CXCR5: variants seen among roughly 807,000 people sequenced by gnomAD.
The protein encoded by CXCR5 is C-X-C motif chemokine receptor 5, also known as C-X-C chemokine receptor type 5.
In CXCR5, 3 loss-of-function variants were observed where a neutral mutation model predicts 5.6. That is an observed-to-expected ratio of 0.54 (90% CI 0.24 to 1.39). The LOEUF is 1.39. Ranked by LOEUF, CXCR5 falls within the 40% of genes most tolerant of loss-of-function variation. The probability of loss-of-function intolerance (pLI) is 0.16; values close to 1 mark genes in which losing one functional copy is unlikely to be tolerated. For missense variants in CXCR5, 333 were observed against 494.6 expected, an observed-to-expected ratio of 0.67 and a Z score of 3.10; for synonymous variants, 218 against 219.9, an observed-to-expected ratio of 0.99 and a Z score of 0.08.
intron 1 of CXCR5, chr11:118,887,672 G>C (rs1290115676): frequency 6.6e-6 from 1 of 152,458 alleles, no homozygotes; most frequent in African/African-American, 2.4e-5. Context: ...ACGGGGTAAG[G>C]GGTACAGACC....
intron 1 of CXCR5, chr11:118,886,304 G>A (rs1939708453): frequency 2.3e-6 from 1 of 439,346 alleles, no homozygotes; most frequent in African/African-American, 2.1e-5. Context: ...ACACTCTCAT[G>A]TTGAGCTAAG....
rs1291541977 is a variant in CXCR5 at position 118,897,643 on chromosome 11, T to A, written c.*2980T>A. ...GGGACGAGACAGGAATGGTATCCCTTAGGGACCCAGAGACACTGCAAACAG... is the reference window on the plus strand; with the variant it reads ...GGGACGAGACAGGAATGGTATCCCTAAGGGACCCAGAGACACTGCAAACAG... On this transcript the variant is annotated 3_prime_UTR_variant, in exon 2 of 2. Coordinates refer to ENST00000292174, the MANE Select transcript of CXCR5 (RefSeq NM_001716.5). 3.4e-5 allele frequency: 13 copies of A among 382,564 alleles called. No homozygotes were observed. Among genetic ancestry groups the A allele is most frequent in the South Asian group, 1.4e-4 (7 of 50,666 alleles). 23.7% of individuals were successfully genotyped at this position (382,564 alleles called of 1,614,324 possible).
intron 1 of CXCR5, among the ~76,000 whole-genome samples, chr11:118,884,343 A>G (rs1939676116): frequency 6.6e-6 from 1 of 152,126 alleles, no homozygotes; most frequent in Non-Finnish European, 1.5e-5. Flanking sequence ...ACTAGACAGG[A>G]AAGTACTTTG....
intron 1 of CXCR5, chr11:118,887,333 A>AT: frequency 1.0e-6 from 1 of 985,422 alleles, no homozygotes; most frequent in East Asian, 1.1e-4. Flanking sequence ...GATGGTTTCA[A>AT]GAGGCTGCCA....
At chr11:118,890,801 G>A (rs1939797056) in intron 1 of CXCR5, among the ~76,000 whole-genome samples, 1 of 152,180 alleles carries the variant, frequency 6.6e-6, no homozygotes, top group Non-Finnish European at 1.5e-5. Flanking sequence ...CAAAAGTGGA[G>A]AGCTCTAGTT....
Position 118,894,689 on chromosome 11 carries a change from CT to C in CXCR5, c.*30del. The C allele has an allele frequency of 6.6e-7, 1 of 1,505,278 alleles. No homozygotes were observed. Among genetic ancestry groups the C allele is most frequent in the Non-Finnish European group, 8.9e-7 (1 of 1,128,004 alleles). 93.2% of individuals were successfully genotyped at this position (1,505,278 alleles called of 1,614,324 possible). Reference sequence around the variant, plus strand: ...GTCCCAGTGTCCCCTTTTATTGCTGCTTTTCCTTGGGGCAGGCAGTGATGCT... The same window carrying C: ...GTCCCAGTGTCCCCTTTTATTGCTGCTTTCCTTGGGGCAGGCAGTGATGCT... On this transcript the variant is annotated 3_prime_UTR_variant, in exon 2 of 2. Transcript: ENST00000292174. The surrounding 1 kb of genome is among the most constrained non-coding windows in gnomAD (Gnocchi z 6.1).
rs1591968591 is a variant in CXCR5 at position 118,894,810 on chromosome 11, A to C, written c.*147A>C. On this transcript the variant is annotated 3_prime_UTR_variant, in exon 2 of 2. Transcript: ENST00000292174. This position sits in a 1 kb window ranked among gnomAD's most constrained non-coding sequence, Gnocchi z 6.1. ...TCATTTGGGGTAGCTAGAGGAACCA[A>C]CCCCCATTTCTAGAACATCCCTGCC... is the stretch of plus-strand genomic sequence containing the variant. 1.5e-6 allele frequency: 1 copy of C among 685,168 alleles called. No individual in the cohort carries two copies. The highest frequency in any genetic ancestry group is 3.1e-5 in the East Asian group (1 of 32,242). 42.4% of individuals were successfully genotyped at this position (685,168 alleles called of 1,614,324 possible).
chr11:118,885,620 T>C (rs979127797), intron 1 of CXCR5, among the ~76,000 whole-genome samples: 11 of 152,208 alleles, frequency 7.2e-5, no homozygotes, highest in Non-Finnish European at 1.2e-4. Context: ...CCTGACCCAG[T>C]TGGACATCTT....
intron 1 of CXCR5, among the ~76,000 whole-genome samples, chr11:118,884,324 G>C (rs924824962): frequency 6.6e-6 from 1 of 152,150 alleles, no homozygotes; most frequent in Admixed American, 6.5e-5. Flanking sequence ...CTTAGGGTCG[G>C]AATATGGAAC....
Position 118,891,077 on chromosome 11 carries a change from A to G in CXCR5, c.52-2519A>G, listed in dbSNP as rs374903858. Among the ~76,000 whole-genome samples the G allele has an allele frequency of 7.9e-5, 12 of 152,326 alleles. No homozygotes were observed. In the South Asian group the frequency reaches 1.5e-3, roughly 18 times the overall value. On this transcript the variant is annotated intron_variant, in intron 1 of 1. Transcript: ENST00000292174. ...GCAACATAGCAAGACACTATCTATC[A>G]AAAAACAAAAACAAAGGCGTGTGTT...
Position 118,893,446 on chromosome 11 carries a change from C to T in CXCR5, c.52-150C>T. The T allele has an allele frequency of 7.1e-7, 1 of 1,414,534 alleles. No homozygotes were observed. Among genetic ancestry groups the T allele is most frequent in the Non-Finnish European group, 9.2e-7 (1 of 1,083,542 alleles). The allele number at this position is 1,414,534 out of a possible 1,614,324, so 87.6% of individuals were successfully genotyped here. A position where few individuals can be genotyped will look rare whatever the true frequency, so the allele number is the denominator to read the frequency against. The stretch of plus-strand genomic sequence containing the variant: ...GGCGAAAAACTGAAGTTGGAAAAGA[C>T]AAAGTGATTTGTTCAAAATTGAAAT... On this transcript the variant is annotated intron_variant, in intron 1 of 1. Coordinates refer to ENST00000292174, the MANE Select transcript of CXCR5 (RefSeq NM_001716.5). This position sits in a 1 kb window ranked among gnomAD's most constrained non-coding sequence, Gnocchi z 5.7.
At position 118,894,367 on chromosome 11, in the gene CXCR5, T is replaced by G; in HGVS notation, c.823T>G (p.Tyr275Asp). The G allele has an allele frequency of 6.2e-7, 1 of 1,614,190 alleles. No individual in the cohort carries two copies. The change falls in exon 2 of 2, where the codon TAC (tyrosine) becomes GAC (aspartate). Residue 275 changes from tyrosine to aspartate, a missense_variant. By Grantham distance (160) the Tyr-to-Asp change is radical. Transcript: ENST00000292174. This position sits in a 1 kb window ranked among gnomAD's most constrained non-coding sequence, Gnocchi z 6.1. Reference sequence around the variant, plus strand: ...CATCTTCTTCCTCTGCTGGTCACCCTACCACATCGTCATCTTCCTGGACAC... The same window carrying G: ...CATCTTCTTCCTCTGCTGGTCACCCGACCACATCGTCATCTTCCTGGACAC... ...TSIFFLCWSP[Y>D]HIVIFLDTLA...
intron 1 of CXCR5, chr11:118,885,986 C>T (rs917753642): frequency 4.5e-6 from 1 of 221,776 alleles, no homozygotes; most frequent in Non-Finnish European, 9.1e-6. Context: ...GTCTCCAGGG[C>T]CAATGTCCCC....
intron 1 of CXCR5, among the ~76,000 whole-genome samples, chr11:118,888,822 TGA>T (rs933580327): frequency 1.3e-5 from 2 of 152,170 alleles, no homozygotes; most frequent in African/African-American, 4.8e-5. Context: ...AAAGCTGGGC[TGA>T]GAGTGCTGAA....
At chr11:118,888,484 C>T (rs1480700437) in intron 1 of CXCR5, among the ~76,000 whole-genome samples, 5 of 152,266 alleles carry the variant, frequency 3.3e-5, no homozygotes, top group Admixed American at 6.5e-5. Flanking sequence ...CCAAGCCCCT[C>T]AACAAAGTGG....
At chr11:118,889,661 C>T (rs1939778251) in intron 1 of CXCR5, among the ~76,000 whole-genome samples, 1 of 152,176 alleles carries the variant, frequency 6.6e-6, no homozygotes, top group Non-Finnish European at 1.5e-5. Flanking sequence ...CTGTTTGACA[C>T]CTCCTGCTGA....
Position 118,894,500 on chromosome 11 carries a change from C to T in CXCR5, c.956C>T (p.Pro319Leu). The change falls in exon 2 of 2, where the codon CCC becomes CTC. Residue 319 changes from proline to leucine, a missense_variant. Coordinates refer to ENST00000292174, the MANE Select transcript of CXCR5 (RefSeq NM_001716.5). This position sits in a 1 kb window ranked among gnomAD's most constrained non-coding sequence, Gnocchi z 6.1. ...FLGLAHCCLNPMLYTFAGVKF... is the reference protein window; with the variant it reads ...FLGLAHCCLNLMLYTFAGVKF... ...GGCCTGGCCCACTGCTGCCTCAACCCCATGCTCTACACTTTCGCCGGCGTG... is the reference window on the plus strand; with the variant it reads ...GGCCTGGCCCACTGCTGCCTCAACCTCATGCTCTACACTTTCGCCGGCGTG... The T allele has an allele frequency of 6.2e-7, 1 of 1,605,806 alleles. No individual in the cohort carries two copies. Among genetic ancestry groups the T allele is most frequent in the Non-Finnish European group, 8.5e-7 (1 of 1,174,702 alleles).
chr11:118,884,519 A>G (rs1255199033), intron 1 of CXCR5, among the ~76,000 whole-genome samples: 1 of 152,096 alleles, frequency 6.6e-6, no homozygotes, highest in Non-Finnish European at 1.5e-5. Flanking sequence ...CTGGCCAGAG[A>G]AAAAAATCAC....
chr11:118,894,740 G>A lies in CXCR5; in HGVS notation c.*77G>A, dbSNP rs1269711058. The A allele has an allele frequency of 1.4e-5, 19 of 1,399,912 alleles. No homozygotes were observed. The highest frequency in any genetic ancestry group is 1.7e-5 in the Non-Finnish European group (18 of 1,047,830). 86.7% of individuals were successfully genotyped at this position (1,399,912 alleles called of 1,614,324 possible). On this transcript the variant is annotated 3_prime_UTR_variant, in exon 2 of 2. Coordinates refer to ENST00000292174, the MANE Select transcript of CXCR5 (RefSeq NM_001716.5). The surrounding 1 kb of genome is among the most constrained non-coding windows in gnomAD (Gnocchi z 6.1). ...TGGATGCTCCTTCCAACAGGAGCTGGGATCCTAAGGGCTCACCGTGGCTAA... is the reference window on the plus strand; with the variant it reads ...TGGATGCTCCTTCCAACAGGAGCTGAGATCCTAAGGGCTCACCGTGGCTAA...
Sources: allele counts gnomAD v4.1 joint callset (sites outside exome capture counted in the v4.1 genomes callset), GRCh38; gene constraint gnomAD v4.1.1; non-coding constraint Gnocchi (gnomAD v3.1); transcripts MANE v1.5; gene names NCBI Gene and HGNC (gene_info 2026-07-23, HGNC 2026-07-21).